Variants in KIF13A observed in about 807,000 individuals in gnomAD.
KIF13A encodes the protein kinesin-like protein KIF13A.
A neutral mutation model predicts 212.2 loss-of-function variants in KIF13A; 79 were observed. The observed-to-expected ratio is 0.37, with a 90% confidence interval of 0.31 to 0.45. The LOEUF is 0.45. KIF13A is among the 20% of genes least tolerant of loss of function. The pLI is 1.00. For synonymous variants in KIF13A, 789 were observed against 808.6 expected (o/e 0.98, Z 0.41); for missense variants, 1,901 against 2,209.0 (o/e 0.86, Z 2.79).
At chr6:17,950,878 G>A in intron 2 of KIF13A, 1 of 983,182 alleles carries the variant, frequency 1.0e-6, no homozygotes, top group Non-Finnish European at 1.2e-6. Flanking sequence ...ATGATTAAAT[G>A]TGTGGGATAA....
rs772335874 is a variant in KIF13A at position 17,775,000 on chromosome 6, C to T, written c.4218+15G>A. Reference sequence around the variant, plus strand: ...AGATTCTACTAAAAACCTAGCCATGCCCATAGGTGCATACCTTGTCATCTT... The same window carrying T: ...AGATTCTACTAAAAACCTAGCCATGTCCATAGGTGCATACCTTGTCATCTT... On this transcript the variant is annotated intron_variant, in intron 35 of 38. Transcript: ENST00000259711. 1.2e-6 allele frequency: 2 copies of T among 1,604,018 alleles called. No homozygotes were observed. The highest frequency in any genetic ancestry group is 1.7e-6 in the Non-Finnish European group (2 of 1,174,074).
chr6:17,825,956 G>A lies in KIF13A; in HGVS notation c.1620-22C>T. The stretch of plus-strand genomic sequence containing the variant: ...TATTCTGTGGGGTTTTTCACCATTA[G>A]AGAAAATCAACTTGTTTTACACTTA... On this transcript the variant is annotated intron_variant, in intron 15 of 38. Coordinates refer to ENST00000259711, the MANE Select transcript of KIF13A (RefSeq NM_022113.6). The surrounding 1 kb of genome is among the most constrained non-coding windows in gnomAD (Gnocchi z 4.5). 6.2e-7 allele frequency: 1 copy of A among 1,612,850 alleles called. No individual in the cohort carries two copies. Among genetic ancestry groups the A allele is most frequent in the Non-Finnish European group, 8.5e-7 (1 of 1,179,370 alleles).
intron 34 of KIF13A, among the ~76,000 whole-genome samples, chr6:17,775,436 A>G (rs1025780722): frequency 2.0e-5 from 3 of 152,198 alleles, no homozygotes; most frequent in African/African-American, 4.8e-5. Flanking sequence ...TCTAGAGTAT[A>G]TATCTAAGGG....
At chr6:17,779,249 ATATATATATTTT>A in intron 32 of KIF13A, 150 bp from the exon 33 acceptor site, 1 of 22,402 alleles carries the variant, frequency 4.5e-5, no homozygotes, top group Non-Finnish European at 1.4e-4. Flanking sequence ...ATATATATAT[ATATATATATTTT>A]TTTTTTTTTT....
At chr6:17,788,237 G>A (rs1024873923) in intron 26 of KIF13A, among the ~76,000 whole-genome samples, 2 of 152,152 alleles carry the variant, frequency 1.3e-5, no homozygotes, top group African/African-American at 2.4e-5. Context: ...AGCATGAACA[G>A]AGCCCAAACC....
chr6:17,873,199 T>C (rs1770180194), intron 4 of KIF13A, 178 bp downstream of exon 4: 1 of 530,568 alleles, frequency 1.9e-6, no homozygotes, highest in Non-Finnish European at 3.3e-6. Context: ...TACAAGTAAG[T>C]GGCAGACCCA....
At chr6:17,790,211 G>A (rs1394178294) in intron 25 of KIF13A, among the ~76,000 whole-genome samples, 3 of 152,114 alleles carry the variant, frequency 2.0e-5, no homozygotes, top group African/African-American at 7.2e-5. Flanking sequence ...AGACCCGCCT[G>A]GGCAACAATA....
intron 9 of KIF13A, among the ~76,000 whole-genome samples, chr6:17,847,875 G>A (rs955761774): frequency 3.3e-5 from 5 of 151,996 alleles, no homozygotes; most frequent in Admixed American, 6.6e-5. Context: ...ACAGTGGCGC[G>A]ATCTCGGCTC....
At chr6:17,925,338 T>C (rs1339421713) in intron 2 of KIF13A, among the ~76,000 whole-genome samples, 1 of 152,216 alleles carries the variant, frequency 6.6e-6, no homozygotes, top group Non-Finnish European at 1.5e-5. Context: ...TAGGGTTGCC[T>C]TTGACTGAAA....
downstream of KIF13A, chr6:17,760,591 G>T (rs746872571): frequency 1.8e-5 from 10 of 560,518 alleles, no homozygotes; most frequent in Admixed American, 3.1e-5. Context: ...AAAAAATACT[G>T]TCACTTAGTT....
chr6:17,951,265 C>T lies in KIF13A; in HGVS notation c.146+35789G>A. Reference sequence around the variant, plus strand: ...GCCTCAGTCTCCTGAGTAGCTGGGACCACAGGTATGCGCCACCACGTCCAG... The same window carrying T: ...GCCTCAGTCTCCTGAGTAGCTGGGATCACAGGTATGCGCCACCACGTCCAG... On this transcript the variant is annotated intron_variant, in intron 2 of 38. Coordinates refer to ENST00000259711, the MANE Select transcript of KIF13A (RefSeq NM_022113.6). This position sits in a 1 kb window ranked among gnomAD's most constrained non-coding sequence, Gnocchi z 4.9. 3.2e-6 allele frequency: 2 copies of T among 617,020 alleles called. No individual in the cohort carries two copies. Among genetic ancestry groups the T allele is most frequent in the Non-Finnish European group, 5.3e-6 (2 of 379,814 alleles). The allele number at this position is 617,020 out of a possible 1,614,324, so 38.2% of individuals were successfully genotyped here.
intron 2 of KIF13A, among the ~76,000 whole-genome samples, chr6:17,960,726 C>T (rs1338938804): frequency 6.6e-6 from 1 of 152,096 alleles, no homozygotes; most frequent in African/African-American, 2.4e-5. Flanking sequence ...TATGTCATTC[C>T]TCAGAGGTAT....
In KIF13A at chr6:17,828,118, C is replaced by T; in HGVS notation, c.1532+122G>A. 1 of 861,382 alleles carries T rather than the reference C, an allele frequency of 1.2e-6. No individual in the cohort carries two copies. Among genetic ancestry groups the T allele is most frequent in the East Asian group, 2.8e-5 (1 of 35,842 alleles). 53.4% of individuals were successfully genotyped at this position (861,382 alleles called of 1,614,324 possible). A position where few individuals can be genotyped will look rare whatever the true frequency, so the allele number is the denominator to read the frequency against. The stretch of plus-strand genomic sequence containing the variant: ...CTCTCTACAATCAGAAAGCAAGGGC[C>T]CCCTGAGGACCCCCATGTATCCTTA... On this transcript the variant is annotated intron_variant, in intron 14 of 38. Transcript: ENST00000259711. The surrounding 1 kb of genome is among the most constrained non-coding windows in gnomAD (Gnocchi z 4.3).
In KIF13A at chr6:17,828,432, T is replaced by G; in HGVS notation, c.1402-62A>C. ...TTATGAGTAACTCAGCAAAAATGTA[T>G]CACAATCAATTTGAATAACGCAGCA... On this transcript the variant is annotated intron_variant, in intron 13 of 38. Transcript: ENST00000259711. The surrounding 1 kb of genome is among the most constrained non-coding windows in gnomAD (Gnocchi z 4.3). The G allele has an allele frequency of 6.9e-7, 1 of 1,447,170 alleles. No individual in the cohort carries two copies. Among genetic ancestry groups the G allele is most frequent in the Non-Finnish European group, 9.5e-7 (1 of 1,049,256 alleles). 89.6% of individuals were successfully genotyped at this position (1,447,170 alleles called of 1,614,324 possible).
chr6:17,954,701 C>A (rs1561800937), intron 2 of KIF13A, among the ~76,000 whole-genome samples: 2 of 152,076 alleles, frequency 1.3e-5, no homozygotes, highest in Admixed American at 6.6e-5. Flanking sequence ...GAGACAGGAT[C>A]TCACTCTTCT....
chr6:17,815,960 T>C (rs1581399304), intron 17 of KIF13A, among the ~76,000 whole-genome samples: 1 of 150,616 alleles, frequency 6.6e-6, no homozygotes, highest in Non-Finnish European at 1.5e-5. Context: ...CAGGCTGGAG[T>C]GCAATGGCGC....
intron 2 of KIF13A, among the ~76,000 whole-genome samples, chr6:17,974,692 A>G (rs181397406): frequency 3.5e-4 from 54 of 152,248 alleles, no homozygotes; most frequent in Admixed American, 3.1e-3. Flanking sequence ...AAGGTGCACT[A>G]CAGCCCAATT....
At chr6:17,884,467 C>T (rs1771360082) in intron 3 of KIF13A, among the ~76,000 whole-genome samples, 1 of 152,174 alleles carries the variant, frequency 6.6e-6, no homozygotes, top group African/African-American at 2.4e-5. Flanking sequence ...TGTGCTAACT[C>T]ATCTTTATTC....
intron 2 of KIF13A, among the ~76,000 whole-genome samples, chr6:17,985,047 T>C (rs1198185782): frequency 6.6e-6 from 1 of 152,244 alleles, no homozygotes; most frequent in Non-Finnish European, 1.5e-5. Flanking sequence ...TCTTCATCTG[T>C]GCAAAGACAG....
Sources: allele counts gnomAD v4.1 joint callset (sites outside exome capture counted in the v4.1 genomes callset), GRCh38; gene constraint gnomAD v4.1.1; non-coding constraint Gnocchi (gnomAD v3.1); transcripts MANE v1.5; gene names NCBI Gene and HGNC (gene_info 2026-07-23, HGNC 2026-07-21).